The following WIF1 variants were observed in gnomAD, a reference collection of about 807,000 sequenced individuals.
The protein encoded by WIF1 is Wnt inhibitory factor 1.
A neutral mutation model predicts 53.5 loss-of-function variants in WIF1; 35 were observed. The observed-to-expected ratio is 0.65, with a 90% CI of 0.50 to 0.87. WIF1 has a LOEUF of 0.87. WIF1 is among the 40% of genes least tolerant of loss of function. The pLI is 0.00. For missense variants in WIF1, 467 were observed against 476.8 expected, an observed-to-expected ratio of 0.98 and a Z score of 0.19; for synonymous variants, 171 against 170.4, an observed-to-expected ratio of 1.00 and a Z score of -0.03.
rs766394207 is a variant in WIF1 at position 65,121,241 on chromosome 12, C to G, written c.-50G>C. The G allele has an allele frequency of 7.2e-5, 100 of 1,384,656 alleles. 1 individual carries two copies. The Admixed American group carries it at 2.7e-3, about 37-fold the overall frequency. The allele number at this position is 1,384,656 out of a possible 1,614,324, so 85.8% of individuals were successfully genotyped here. ...GGGAAAACTCCTCGTGCCGCACCTA[C>G]GCAACCTGGCGCCGTCAGATACTCT... On this transcript the variant is annotated 5_prime_UTR_variant, in exon 1 of 10. Transcript: ENST00000286574.
intron 2 of WIF1, among the ~76,000 whole-genome samples, chr12:65,102,521 A>C (rs1331582400): frequency 6.6e-6 from 1 of 152,176 alleles, no homozygotes; most frequent in Non-Finnish European, 1.5e-5. Flanking sequence ...TATTCAGTCT[A>C]TGGACTCAAA....
chr12:65,094,952 T>TTTA (rs1883181337), intron 2 of WIF1, among the ~76,000 whole-genome samples: 1 of 134,892 alleles, frequency 7.4e-6, no homozygotes, highest in Admixed American at 7.4e-5. Flanking sequence ...TTATTTATTT[T>TTTA]GACAAGGTCT....
In WIF1 at chr12:65,055,582, C is replaced by T. The variant is rs141646972; in HGVS notation, c.923-369G>A. ...GTCAGGAGTTCGAGATCAGCCTGGC[C>T]AAGGTGGTGAAACTCCATCTCTACT... On this transcript the variant is annotated intron_variant, in intron 8 of 9. Coordinates refer to ENST00000286574, the MANE Select transcript of WIF1 (RefSeq NM_007191.5). Among the ~76,000 whole-genome samples the T allele has an allele frequency of 3.2e-3, 486 of 152,170 alleles. 2 individuals are homozygous for T. The highest frequency in any genetic ancestry group is 5.8e-3 in the Non-Finnish European group (394 of 68,008).
At chr12:65,056,881 C>T (rs772290591) in intron 7 of WIF1, among the ~76,000 whole-genome samples, 7 of 152,088 alleles carry the variant, frequency 4.6e-5, no homozygotes, top group African/African-American at 7.2e-5. Context: ...AACTCCTGAC[C>T]TCAAGTGATC....
intron 1 of WIF1, 26 bp downstream of exon 1, chr12:65,121,018 G>C: frequency 7.0e-7 from 1 of 1,436,928 alleles, no homozygotes; most frequent in South Asian, 1.5e-5. Flanking sequence ...ATAGGCAGGG[G>C]AAGGCGCTGG....
chr12:65,074,817 C>CAAAAAAAAAAAAAAAAAAAA (rs758690202), intron 3 of WIF1, among the ~76,000 whole-genome samples: 1 of 55,452 alleles, frequency 1.8e-5, no homozygotes, highest in Non-Finnish European at 3.2e-5. Context: ...CACTCTGTCT[C>CAAAAAAAAAAAAAAAAAAAA]AAAAAAAAAA....
chr12:65,062,438 A>C, intron 7 of WIF1, 43 bp downstream of exon 7: 2 of 1,522,946 alleles, frequency 1.3e-6, no homozygotes, highest in Non-Finnish European at 9.0e-7. Context: ...TGGGGTTTCT[A>C]AGGTCTCCCC....
rs375294548 is a variant in WIF1, at chr12:65,056,493, T to G, written c.827-367A>C. 2.2e-3 allele frequency among the ~76,000 whole-genome samples: 319 copies of G among 146,240 alleles called. 1 individual carries two copies. The highest frequency in any genetic ancestry group is 7.8e-3 in the African/African-American group (310 of 39,974). The stretch of plus-strand genomic sequence containing the variant: ...GCCCGCCTTGGCCTCTCAAAAGTGC[T>G]GGGATTACAAGTATGAGCCACCACG... On this transcript the variant is annotated intron_variant, in intron 7 of 9. Coordinates refer to ENST00000286574, the MANE Select transcript of WIF1 (RefSeq NM_007191.5).
chr12:65,100,054 GTA>G (rs1399439120), intron 2 of WIF1, among the ~76,000 whole-genome samples: 1 of 152,114 alleles, frequency 6.6e-6, no homozygotes, highest in Non-Finnish European at 1.5e-5. Flanking sequence ...ATGTGCACAT[GTA>G]TATGAAGCAT....
intron 7 of WIF1, among the ~76,000 whole-genome samples, chr12:65,062,145 T>C (rs1882622675): frequency 6.6e-6 from 1 of 152,198 alleles, no homozygotes; most frequent in African/African-American, 2.4e-5. Flanking sequence ...AGCTCTGATC[T>C]ACATTTCCAG....
intron 2 of WIF1, among the ~76,000 whole-genome samples, chr12:65,110,193 T>G (rs1436655933): frequency 6.6e-6 from 1 of 152,128 alleles, no homozygotes; most frequent in Non-Finnish European, 1.5e-5. Context: ...TCCACAGTGT[T>G]TCTCCATCTG....
intron 2 of WIF1, among the ~76,000 whole-genome samples, chr12:65,105,266 G>T (rs572081764): frequency 6.6e-6 from 1 of 152,110 alleles, no homozygotes; most frequent in South Asian, 2.1e-4. Flanking sequence ...AAGGAAGTTA[G>T]AGGTACACAT....
chr12:65,095,316 C>T (rs1171212190), intron 2 of WIF1, among the ~76,000 whole-genome samples: 4 of 152,094 alleles, frequency 2.6e-5, no homozygotes, highest in Non-Finnish European at 4.4e-5. Context: ...TCTCTGGATT[C>T]TCTAGTTCAA....
intron 2 of WIF1, among the ~76,000 whole-genome samples, chr12:65,104,380 C>T (rs761603286): frequency 1.3e-5 from 2 of 152,152 alleles, no homozygotes; most frequent in Non-Finnish European, 2.9e-5. Context: ...CATATGCATG[C>T]AACAGAATGT....
At chr12:65,102,379 G>A (rs1180715183) in intron 2 of WIF1, among the ~76,000 whole-genome samples, 1 of 152,114 alleles carries the variant, frequency 6.6e-6, no homozygotes, top group East Asian at 1.9e-4. Flanking sequence ...TGGCCCTTAA[G>A]AGCCAGTGTT....
At chr12:65,093,783 G>A (rs564224734) in intron 2 of WIF1, among the ~76,000 whole-genome samples, 2 of 152,136 alleles carry the variant, frequency 1.3e-5, no homozygotes, top group South Asian at 2.1e-4. Context: ...TTCGGTTCCC[G>A]GATGGTCTGG....
At chr12:65,114,914 A>C (rs192094681) in intron 2 of WIF1, among the ~76,000 whole-genome samples, 11 of 152,302 alleles carry the variant, frequency 7.2e-5, no homozygotes, top group Non-Finnish European at 1.3e-4. Flanking sequence ...TAGTAGTTAT[A>C]AGAATTCTGC....
At chr12:65,077,612 A>G in intron 3 of WIF1, 134 bp downstream of exon 3, 3 of 645,358 alleles carry the variant, frequency 4.6e-6, no homozygotes, top group Non-Finnish European at 8.0e-6. Context: ...ATAACAGTCA[A>G]ACTGTCCTAA....
intron 2 of WIF1, among the ~76,000 whole-genome samples, chr12:65,118,596 A>G (rs942899819): frequency 1.1e-4 from 17 of 152,232 alleles, no homozygotes; most frequent in Non-Finnish European, 1.9e-4. Flanking sequence ...TCATCCACAT[A>G]GGTGAGCAAC....
Sources: gnomAD v4.1 joint callset for allele counts (sites outside exome capture counted in the v4.1 genomes callset) on GRCh38, gnomAD v4.1.1 for gene constraint, MANE v1.5 for transcripts, NCBI Gene and HGNC (gene_info 2026-07-23, HGNC 2026-07-21) for gene names.